OR6N1: variants seen among roughly 807,000 people sequenced by gnomAD.
OR6N1 encodes olfactory receptor family 6 subfamily N member 1.
For missense variants in OR6N1, 394 were observed against 371.7 expected, an observed-to-expected ratio of 1.06 and a Z score of -0.49; for synonymous variants, 170 against 150.7, an observed-to-expected ratio of 1.13 and a Z score of -0.94.
upstream of OR6N1, chr1:158,777,039 G>C: frequency 6.2e-7 from 1 of 1,614,080 alleles, no homozygotes; most frequent in South Asian, 1.1e-5. Flanking sequence ...TAATGGCAAA[G>C]TCCACCAGAA....
At chr1:158,802,355 G>C in the OR6N1 span, among the ~76,000 whole-genome samples, 14 of 151,932 alleles carry the variant, frequency 9.2e-5, no homozygotes, top group Admixed American at 7.9e-4. Flanking sequence ...CAACAGGCAT[G>C]TGCCACCACA....
chr1:158,768,528 T>C (rs1461531471), intron 1 of OR6N1, among the ~76,000 whole-genome samples: 3 of 152,204 alleles, frequency 2.0e-5, no homozygotes, highest in Non-Finnish European at 4.4e-5. Flanking sequence ...TTACTGTAAT[T>C]GACTCCTAAC....
the OR6N1 span, chr1:158,777,675 T>C: frequency 3.8e-6 from 5 of 1,321,312 alleles, no homozygotes; most frequent in Non-Finnish European, 3.2e-6. Context: ...AAACATTGGA[T>C]TGAGATGACT....
chr1:158,786,286 C>T, the OR6N1 span, among the ~76,000 whole-genome samples: 10 of 151,998 alleles, frequency 6.6e-5, no homozygotes, highest in African/African-American at 1.7e-4. Flanking sequence ...AAATTAAAAC[C>T]GTAATGAGAG....
the OR6N1 span, among the ~76,000 whole-genome samples, chr1:158,811,732 T>C: frequency 2.4e-4 from 37 of 152,182 alleles, no homozygotes; most frequent in Non-Finnish European, 4.7e-4. Context: ...TTAAATTGGA[T>C]ATCAGAACAT....
the OR6N1 span, among the ~76,000 whole-genome samples, chr1:158,779,235 G>C: frequency 6.6e-6 from 1 of 152,048 alleles, no homozygotes; most frequent in East Asian, 1.9e-4. Flanking sequence ...AATTCACAAT[G>C]CAACTTTAAA....
chr1:158,768,082 T>C (rs113071817), intron 1 of OR6N1, among the ~76,000 whole-genome samples: 9 of 152,176 alleles, frequency 5.9e-5, no homozygotes, highest in African/African-American at 1.7e-4. Flanking sequence ...TCCTTCTCAT[T>C]CTCCAACTTT....
the OR6N1 span, among the ~76,000 whole-genome samples, chr1:158,834,475 T>A: frequency 6.6e-6 from 1 of 152,262 alleles, no homozygotes; most frequent in African/African-American, 2.4e-5. Flanking sequence ...TCTGTTGTTG[T>A]TGGAGTTGAT....
the OR6N1 span, among the ~76,000 whole-genome samples, chr1:158,801,295 G>A: frequency 1.3e-5 from 2 of 151,818 alleles, no homozygotes; most frequent in African/African-American, 2.4e-5. Context: ...AAATGCCGGG[G>A]TTTTTTTCCC....
At chr1:158,786,349 A>T in the OR6N1 span, among the ~76,000 whole-genome samples, 2 of 152,164 alleles carry the variant, frequency 1.3e-5, no homozygotes, top group Non-Finnish European at 1.5e-5. Context: ...AAAGTAATAG[A>T]AGTTAGCAGG....
the OR6N1 span, among the ~76,000 whole-genome samples, chr1:158,820,351 A>G: frequency 6.6e-6 from 1 of 152,242 alleles, no homozygotes; most frequent in Non-Finnish European, 1.5e-5. Context: ...GACTATTCCC[A>G]ACAACTTTGA....
At chr1:158,776,854 C>A (rs141853976), upstream of OR6N1, 18 of 1,613,968 alleles carry the variant, frequency 1.1e-5, no homozygotes, top group Non-Finnish European at 1.4e-5. Context: ...CTTCTTTAGC[C>A]GCACATACAT....
At chr1:158,834,120 TG>T in the OR6N1 span, among the ~76,000 whole-genome samples, 1 of 152,200 alleles carries the variant, frequency 6.6e-6, no homozygotes, top group African/African-American at 2.4e-5. Flanking sequence ...GTGGTTTTTA[TG>T]GGTTTGATTT....
At chr1:158,791,207 A>T in the OR6N1 span, among the ~76,000 whole-genome samples, 2 of 152,306 alleles carry the variant, frequency 1.3e-5, no homozygotes, top group African/African-American at 2.4e-5. Flanking sequence ...TGCCCAACGC[A>T]ATCTACAATT....
the OR6N1 span, among the ~76,000 whole-genome samples, chr1:158,795,010 T>C: frequency 6.6e-6 from 1 of 152,166 alleles, no homozygotes; most frequent in African/African-American, 2.4e-5. Context: ...AAGGTGGATC[T>C]AGGGGCAAAG....
At chr1:158,806,927 C>T in the OR6N1 span, among the ~76,000 whole-genome samples, 14 of 138,496 alleles carry the variant, frequency 1.0e-4, no homozygotes, top group East Asian at 2.3e-4. Context: ...GGCTTGAACT[C>T]GGGAGGCAGT....
the OR6N1 span, among the ~76,000 whole-genome samples, chr1:158,782,294 G>C: frequency 1.3e-5 from 2 of 152,110 alleles, no homozygotes; most frequent in Non-Finnish European, 2.9e-5. Flanking sequence ...TGCAGATATG[G>C]AATACCTGTT....
chr1:158,827,790 T>C, the OR6N1 span, among the ~76,000 whole-genome samples: 1 of 152,150 alleles, frequency 6.6e-6, no homozygotes. Context: ...AAAGTTAGTT[T>C]CTAAAAAAGG....
At chr1:158,767,706 A>G (rs1657312610) in intron 1 of OR6N1, among the ~76,000 whole-genome samples, 1 of 152,196 alleles carries the variant, frequency 6.6e-6, no homozygotes, top group African/African-American at 2.4e-5. Context: ...CTAAACAAAC[A>G]AAAAAGCAAG....
Sources: gnomAD v4.1 joint callset for allele counts (sites outside exome capture counted in the v4.1 genomes callset) on GRCh38, gnomAD v4.1.1 for gene constraint, MANE v1.5 for transcripts, NCBI Gene and HGNC (gene_info 2026-07-23, HGNC 2026-07-21) for gene names.